LRFN5: variants seen among roughly 807,000 people sequenced by gnomAD.
LRFN5 encodes the protein leucine-rich repeat and fibronectin type-III domain-containing protein 5.
In LRFN5, 24 loss-of-function variants were observed where a neutral mutation model predicts 45.6. The ratio of observed to expected loss-of-function variants is 0.53; its 90% CI spans 0.38 to 0.74. The LOEUF (loss-of-function observed/expected upper bound fraction) is 0.74, where lower values mean the gene tolerates loss of function less well. Among genes scored for constraint, LRFN5 ranks in the 30% least tolerant of loss-of-function variants. LRFN5 has a pLI of 0.00. For synonymous variants in LRFN5, 340 were observed against 313.8 expected (o/e 1.08, Z -0.88); for missense variants, 776 against 861.5 (o/e 0.90, Z 1.24).
intron 1 of LRFN5, among the ~76,000 whole-genome samples, chr14:41,621,197 A>G (rs917189404): frequency 2.0e-5 from 3 of 152,142 alleles, no homozygotes; most frequent in Non-Finnish European, 2.9e-5. Context: ...ATATCATTCT[A>G]AAGATTTTTT....
chr14:41,629,273 G>T (rs72684569), intron 1 of LRFN5, among the ~76,000 whole-genome samples: 1 of 152,000 alleles, frequency 6.6e-6, no homozygotes, highest in African/African-American at 2.4e-5. Flanking sequence ...CTTGTATTGC[G>T]CCATCAGATA....
At chr14:41,760,706 A>T (rs1672992409) in intron 1 of LRFN5, among the ~76,000 whole-genome samples, 1 of 151,660 alleles carries the variant, frequency 6.6e-6, no homozygotes, top group South Asian at 2.1e-4. Flanking sequence ...GGAAGGAAAG[A>T]AGGGAATCAG....
chr14:41,782,498 A>G (rs1313293181), intron 2 of LRFN5, among the ~76,000 whole-genome samples: 1 of 152,150 alleles, frequency 6.6e-6, no homozygotes, highest in East Asian at 1.9e-4. Flanking sequence ...CTCTTTGATA[A>G]CTGCAAAACC....
chr14:41,674,199 G>T (rs1325163219), intron 1 of LRFN5, among the ~76,000 whole-genome samples: 1 of 139,038 alleles, frequency 7.2e-6, no homozygotes, highest in African/African-American at 2.7e-5. Flanking sequence ...GCCGGGCGGG[G>T]GGCTGACCCC....
chr14:41,866,608 C>G (rs1889848617), intron 2 of LRFN5, among the ~76,000 whole-genome samples: 1 of 152,078 alleles, frequency 6.6e-6, no homozygotes, highest in Non-Finnish European at 1.5e-5. Context: ...TCAACTCACC[C>G]TGATAACCCC....
At chr14:41,649,115 T>C (rs1156415281) in intron 1 of LRFN5, among the ~76,000 whole-genome samples, 1 of 151,806 alleles carries the variant, frequency 6.6e-6, no homozygotes, top group Non-Finnish European at 1.5e-5. Flanking sequence ...GCGCCTGTCA[T>C]CCCAGCTACT....
intron 5 of LRFN5, 65 bp from the exon 6 acceptor site, chr14:41,904,093 G>C: frequency 3.8e-6 from 5 of 1,311,024 alleles, no homozygotes; most frequent in Non-Finnish European, 5.4e-6. Flanking sequence ...GATCTTATTA[G>C]CTATGTGTTT....
intron 1 of LRFN5, among the ~76,000 whole-genome samples, chr14:41,723,940 A>T (rs1374977397): frequency 6.6e-6 from 1 of 152,112 alleles, no homozygotes; most frequent in Non-Finnish European, 1.5e-5. Flanking sequence ...TAAACACCTG[A>T]CACTTTTCAT....
At chr14:41,666,711 T>A (rs567539666) in intron 1 of LRFN5, among the ~76,000 whole-genome samples, 119 of 152,236 alleles carry the variant, frequency 7.8e-4, no homozygotes, top group African/African-American at 2.7e-3. Context: ...CAAGATAAAG[T>A]CTTGTTCCTG....
chr14:41,751,499 GATAA>G (rs886263191), intron 1 of LRFN5, among the ~76,000 whole-genome samples: 2 of 151,996 alleles, frequency 1.3e-5, no homozygotes, highest in Non-Finnish European at 2.9e-5. Flanking sequence ...AAGGAGATGA[GATAA>G]ATATTCACAC....
At position 41,607,164 on chromosome 14, in the gene LRFN5, T is replaced by C. The variant is rs2138527127; in HGVS notation, c.-1595T>C. On this transcript the variant is annotated 5_prime_UTR_variant, in exon 1 of 6. Transcript: ENST00000298119. Reference sequence around the variant, plus strand: ...TGTGTGTGCGCGTGTTTGCGTGTGTTTGAGCGTGTTTTTCCTTCTTCCCTT... The same window carrying C: ...TGTGTGTGCGCGTGTTTGCGTGTGTCTGAGCGTGTTTTTCCTTCTTCCCTT... 6.6e-6 allele frequency among the ~76,000 whole-genome samples: 1 copy of C among 152,146 alleles called. No homozygotes were observed. The highest frequency in any genetic ancestry group is 6.5e-5 in the Admixed American group (1 of 15,292).
At chr14:41,889,232 A>AT (rs200381528) in intron 3 of LRFN5, among the ~76,000 whole-genome samples, 1,849 of 150,670 alleles carry the variant, frequency 0.012, 12 homozygotes, top group Non-Finnish European at 0.018. Context: ...AATGAGAGTA[A>AT]TTTTTTTTTA....
At chr14:41,682,832 GAAATGCCAGGGACCA>G (rs1291540092) in intron 1 of LRFN5, among the ~76,000 whole-genome samples, 1 of 152,044 alleles carries the variant, frequency 6.6e-6, no homozygotes, top group African/African-American at 2.4e-5. Flanking sequence ...TCCTGGAAAA[GAAATGCCAGGGACCA>G]GATAATTTCA....
intron 2 of LRFN5, among the ~76,000 whole-genome samples, chr14:41,857,062 A>C (rs1397101849): frequency 2.0e-5 from 3 of 152,196 alleles, no homozygotes; most frequent in African/African-American, 7.2e-5. Flanking sequence ...AACAAAATTC[A>C]GTATTTTGCA....
chr14:41,844,178 C>T (rs1167552203), intron 2 of LRFN5, among the ~76,000 whole-genome samples: 6 of 152,184 alleles, frequency 3.9e-5, no homozygotes, highest in Non-Finnish European at 5.9e-5. Flanking sequence ...TGGCTCACGC[C>T]TGTAATCCTA....
At chr14:41,861,750 T>C (rs1889671427) in intron 2 of LRFN5, among the ~76,000 whole-genome samples, 1 of 152,152 alleles carries the variant, frequency 6.6e-6, no homozygotes, top group African/African-American at 2.4e-5. Context: ...ATATGCAGAA[T>C]GGTGCAAAAA....
intron 5 of LRFN5, among the ~76,000 whole-genome samples, chr14:41,901,799 T>G (rs1891109983): frequency 6.6e-6 from 1 of 152,000 alleles, no homozygotes; most frequent in Non-Finnish European, 1.5e-5. Flanking sequence ...TGTTTCCAGG[T>G]GAGTGTGATC....
rs578213031 is a variant in LRFN5, at chr14:41,734,714, G to A, written c.-196-32140G>A. On this transcript the variant is annotated intron_variant, in intron 1 of 5. Transcript: ENST00000298119. Reference sequence around the variant, plus strand: ...TATGCCATTTGTTCATTACATTCTGGTTAGTTTGTAGATCATTTGTTATCT... The same window carrying A: ...TATGCCATTTGTTCATTACATTCTGATTAGTTTGTAGATCATTTGTTATCT... Among the ~76,000 whole-genome samples the A allele has an allele frequency of 1.5e-4, 23 of 151,718 alleles. No individual in the cohort carries two copies. The South Asian group carries it at 4.2e-3, about 27-fold the overall frequency.
At chr14:41,697,990 T>C (rs1404827957) in intron 1 of LRFN5, among the ~76,000 whole-genome samples, 2 of 151,904 alleles carry the variant, frequency 1.3e-5, no homozygotes, top group East Asian at 3.9e-4. Context: ...ATTAATAGTT[T>C]GAGATGTTGC....
Sources: gnomAD v4.1 joint callset for allele counts (sites outside exome capture counted in the v4.1 genomes callset) on GRCh38, gnomAD v4.1.1 for gene constraint, MANE v1.5 for transcripts, NCBI Gene and HGNC (gene_info 2026-07-23, HGNC 2026-07-21) for gene names.